XKR6: variants seen among roughly 807,000 people sequenced by gnomAD.
XKR6 encodes XK related 6, also known as XK-related protein 6.
XKR6 carries 22 observed loss-of-function variants against 56.7 expected under a neutral mutation model. The observed-to-expected ratio is 0.39, with a 90% confidence interval of 0.28 to 0.55. The LOEUF is 0.55. XKR6 is among the 20% of genes least tolerant of loss of function. The pLI, the probability that XKR6 is intolerant of heterozygous loss-of-function variation, is 0.66. For missense variants in XKR6, 852 were observed against 889.0 expected, an observed-to-expected ratio of 0.96 and a Z score of 0.53; for synonymous variants, 524 against 387.8, an observed-to-expected ratio of 1.35 and a Z score of -4.13.
intron 1 of XKR6, among the ~76,000 whole-genome samples, chr8:11,032,054 C>T (rs998500761): frequency 1.3e-5 from 2 of 152,184 alleles, no homozygotes; most frequent in African/African-American, 2.4e-5. Context: ...AGGGCTCCCC[C>T]GTGGGGCAGG....
chr8:11,132,073 G>A (rs1800129913), intron 1 of XKR6, among the ~76,000 whole-genome samples: 2 of 152,218 alleles, frequency 1.3e-5, no homozygotes, highest in South Asian at 4.1e-4. Flanking sequence ...CTTCAGCACT[G>A]CTGCACTCCA....
intron 1 of XKR6, among the ~76,000 whole-genome samples, chr8:11,007,470 C>A (rs1263277202): frequency 6.6e-6 from 1 of 152,160 alleles, no homozygotes; most frequent in African/African-American, 2.4e-5. Context: ...CAGCAACAGA[C>A]CTCCACTGCG....
At chr8:11,113,928 C>A in intron 1 of XKR6, 1 of 293,526 alleles carries the variant, frequency 3.4e-6, no homozygotes, top group Admixed American at 5.1e-5. Flanking sequence ...ACTGGGGCAG[C>A]ACAGACACGG....
rs188841407 is a variant in XKR6, at chr8:11,139,680, G to A, written c.764+60896C>T. Among the ~76,000 whole-genome samples, 11 of 152,270 alleles carry A rather than the reference G, an allele frequency of 7.2e-5. No individual in the cohort carries two copies. In the East Asian group the frequency reaches 2.1e-3, roughly 29 times the overall value. ...CAGGGACAGGGACAAAGAAAAGGCAGGTAAAACTGGGAGAGGGGAAGCAGG... is the reference window on the plus strand; with the variant it reads ...CAGGGACAGGGACAAAGAAAAGGCAAGTAAAACTGGGAGAGGGGAAGCAGG... On this transcript the variant is annotated intron_variant, in intron 1 of 2. Transcript: ENST00000416569.
At chr8:11,120,242 A>T (rs1048294492) in intron 1 of XKR6, among the ~76,000 whole-genome samples, 2 of 152,202 alleles carry the variant, frequency 1.3e-5, no homozygotes, top group East Asian at 3.8e-4. Flanking sequence ...GAGGAAGTCA[A>T]ATTGTCCCTG....
At chr8:11,013,239 C>G (rs1360868455) in intron 1 of XKR6, among the ~76,000 whole-genome samples, 3 of 152,224 alleles carry the variant, frequency 2.0e-5, no homozygotes, top group African/African-American at 2.4e-5. Flanking sequence ...GGTTGAAGGA[C>G]TTGCCCATGG....
At chr8:11,191,982 T>C (rs1803604218) in intron 1 of XKR6, among the ~76,000 whole-genome samples, 2 of 152,134 alleles carry the variant, frequency 1.3e-5, no homozygotes, top group South Asian at 2.1e-4. Flanking sequence ...AGGTGCAACA[T>C]CAGGATAGGA....
Position 11,201,062 on chromosome 8 carries a change from T to G in XKR6, c.278A>C (p.Gln93Pro). 1 of 1,283,694 alleles carries G rather than the reference T, an allele frequency of 7.8e-7. No individual in the cohort carries two copies. Among genetic ancestry groups the G allele is most frequent in the Non-Finnish European group, 9.8e-7 (1 of 1,018,958 alleles). 79.5% of individuals were successfully genotyped at this position (1,283,694 alleles called of 1,614,324 possible). A position where few individuals can be genotyped will look rare whatever the true frequency, so the allele number is the denominator to read the frequency against. The part of the protein sequence containing the change: ...RRSAAADGGD[Q>P]PLQPPAAPGA... ...GGGGGCCGCGGGAGGCTGCAGCGGC[T>G]GGTCCCCCCCGTCGGCGGCGGCGCT... Residue 93 changes from glutamine to proline, a missense_variant, in exon 1 of 3, where the codon CAG becomes CCG. By Grantham distance (76) the Gln-to-Pro change is moderately conservative (BLOSUM62 -1). This residue lies in a region of XKR6 where 417 missense variants were observed against 355.2 expected (regional missense o/e 1.17). Transcript: ENST00000416569.
chr8:11,156,886 T>A (rs757505513), intron 1 of XKR6, among the ~76,000 whole-genome samples: 14 of 151,842 alleles, frequency 9.2e-5, no homozygotes, highest in Admixed American at 2.0e-4. Context: ...AGGCTACACT[T>A]AGGAACTTGC....
intron 1 of XKR6, among the ~76,000 whole-genome samples, chr8:11,104,237 T>C (rs918268593): frequency 2.0e-5 from 3 of 152,240 alleles, no homozygotes; most frequent in African/African-American, 7.2e-5. Flanking sequence ...AAGGACACAC[T>C]TTGGAGAACT....
chr8:11,186,473 C>CTCAA (rs1215987521), intron 1 of XKR6, among the ~76,000 whole-genome samples: 4 of 152,160 alleles, frequency 2.6e-5, no homozygotes, highest in African/African-American at 4.8e-5. Flanking sequence ...ACCTCCTGGG[C>CTCAA]TCAAGTAGTC....
chr8:11,138,462 G>C (rs532394062), intron 1 of XKR6: 1 of 152,316 alleles, frequency 6.6e-6, no homozygotes, highest in South Asian at 2.1e-4. Flanking sequence ...CAAGTGCTGT[G>C]ATTTAATGTC....
At chr8:11,148,140 G>C (rs980984509) in intron 1 of XKR6, among the ~76,000 whole-genome samples, 1 of 152,134 alleles carries the variant, frequency 6.6e-6, no homozygotes, top group African/African-American at 2.4e-5. Context: ...AACTCAGGAG[G>C]CTGAGGCTGC....
At chr8:11,083,684 A>T (rs1259233525) in intron 1 of XKR6, among the ~76,000 whole-genome samples, 1 of 152,226 alleles carries the variant, frequency 6.6e-6, no homozygotes, top group African/African-American at 2.4e-5. Flanking sequence ...GTAAAAGTCA[A>T]AAAATCTGAA....
chr8:11,141,041 G>C (rs1397357555), intron 1 of XKR6, among the ~76,000 whole-genome samples: 1 of 152,032 alleles, frequency 6.6e-6, no homozygotes, highest in African/African-American at 2.4e-5. Flanking sequence ...GTTAAAATGA[G>C]AGTTAAGAGG....
At chr8:11,106,402 A>G (rs570324422) in intron 1 of XKR6, 2 of 152,426 alleles carry the variant, frequency 1.3e-5, no homozygotes, top group South Asian at 4.1e-4. Flanking sequence ...GGGTCTTCCC[A>G]TGCCTGAGGC....
intron 1 of XKR6, among the ~76,000 whole-genome samples, chr8:11,072,278 C>A (rs1275634572): frequency 1.3e-5 from 2 of 150,296 alleles, no homozygotes; most frequent in African/African-American, 2.5e-5. Flanking sequence ...AGGGCTCCAC[C>A]CCCTCTCTGT....
At chr8:10,950,155 C>T (rs999314775) in intron 1 of XKR6, among the ~76,000 whole-genome samples, 3 of 152,158 alleles carry the variant, frequency 2.0e-5, no homozygotes, top group Non-Finnish European at 2.9e-5. Context: ...GGGGCAGCTT[C>T]CCAACAGGTG....
chr8:11,165,950 GT>G (rs1258986221), intron 1 of XKR6, among the ~76,000 whole-genome samples: 1 of 145,720 alleles, frequency 6.9e-6, no homozygotes, highest in Non-Finnish European at 1.5e-5. Context: ...TATATATATA[GT>G]TTTTTGGGTT....
Sources: allele counts gnomAD v4.1 joint callset (sites outside exome capture counted in the v4.1 genomes callset), GRCh38; gene constraint gnomAD v4.1.1; regional missense constraint gnomAD v4.1.1; transcripts MANE v1.5; gene names NCBI Gene and HGNC (gene_info 2026-07-23, HGNC 2026-07-21).